PRDM12: variants seen among roughly 807,000 people sequenced by gnomAD.
PRDM12 encodes PR/SET domain 12.
PRDM12 carries 17 observed loss-of-function variants against 29.6 expected under a neutral mutation model. The ratio of observed to expected loss-of-function variants is 0.57; its 90% CI spans 0.39 to 0.86. PRDM12 has a LOEUF of 0.86. Among genes scored for constraint, PRDM12 ranks in the 40% least tolerant of loss-of-function variants. The pLI is 0.00. For synonymous variants in PRDM12, 231 were observed against 225.8 expected, an observed-to-expected ratio of 1.02 and a Z score of -0.21; for missense variants, 422 against 510.8, an observed-to-expected ratio of 0.83 and a Z score of 1.68.
Position 130,681,291 on chromosome 9 carries a change from C to G in PRDM12, c.726C>G (p.Arg242=). The G allele has an allele frequency of 6.6e-7, 1 of 1,507,406 alleles. No homozygotes were observed. The highest frequency in any genetic ancestry group is 8.9e-7 in the Non-Finnish European group (1 of 1,121,928). The allele number at this position is 1,507,406 out of a possible 1,614,324, so 93.4% of individuals were successfully genotyped here. The change falls in exon 5 of 5, where the codon CGC becomes CGG. Residue 242 remains arginine (R), a synonymous_variant. Coordinates refer to ENST00000253008, the MANE Select transcript of PRDM12 (RefSeq NM_021619.3). This position sits in a 1 kb window ranked among gnomAD's most constrained non-coding sequence, Gnocchi z 8.1. ...ACTCGGCGGCTGGCCCCGCGGGCCG[C>G]ATGCGATGCGTCATCTGCCACCGCG... ...PADSAAGPAG[R]MRCVICHRGF...
chr9:130,680,208 G>A (rs893962574), intron 4 of PRDM12, among the ~76,000 whole-genome samples: 5 of 152,054 alleles, frequency 3.3e-5, no homozygotes, highest in Admixed American at 2.0e-4. Flanking sequence ...GTGCTGGCAC[G>A]AGCCTGTGGT....
rs1253302764 is a variant in PRDM12 at position 130,681,258 on chromosome 9, C to T, written c.693C>T (p.His231=). 6.8e-7 allele frequency: 1 copy of T among 1,472,818 alleles called. No individual in the cohort carries two copies. The highest frequency in any genetic ancestry group is 9.0e-7 in the Non-Finnish European group (1 of 1,106,080). 91.2% of individuals were successfully genotyped at this position (1,472,818 alleles called of 1,614,324 possible). A position where few individuals can be genotyped will look rare whatever the true frequency, so the allele number is the denominator to read the frequency against. ...CCGCCCCGCGGCCAGAGGACTTCCA[C>T]CCGGCGGACTCGGCGGCTGGCCCCG... ...DQKKNKHEDF[H]PADSAAGPAG... Residue 231 remains histidine, a synonymous_variant, in exon 5 of 5, where the codon CAC becomes CAT. Transcript: ENST00000253008. The surrounding 1 kb of genome is among the most constrained non-coding windows in gnomAD (Gnocchi z 8.1).
intron 4 of PRDM12, among the ~76,000 whole-genome samples, chr9:130,680,634 A>AAAATATATATAT (rs1469778040): frequency 2.3e-5 from 2 of 88,496 alleles, no homozygotes; most frequent in African/African-American, 1.1e-4. Context: ...AAAAAAAAAA[A>AAAATATATATAT]ATATATATAT....
At chr9:130,667,520 C>T (rs1830744622) in intron 2 of PRDM12, among the ~76,000 whole-genome samples, 1 of 120,624 alleles carries the variant, frequency 8.3e-6, no homozygotes, top group African/African-American at 3.1e-5. Flanking sequence ...CTCGCCCGCT[C>T]CCCCACTCCA....
chr9:130,666,413 G>A (rs551462371), intron 1 of PRDM12, among the ~76,000 whole-genome samples, 195 bp from the exon 2 acceptor site: 2 of 152,352 alleles, frequency 1.3e-5, no homozygotes, highest in South Asian at 2.1e-4. Context: ...GGGTCTCCAG[G>A]TTGCAAACAG....
intron 3 of PRDM12, among the ~76,000 whole-genome samples, chr9:130,670,191 T>G (rs10901270): frequency 0.69 from 104,933 of 152,034 alleles, 36,929 homozygotes; most frequent in East Asian, 0.99. Flanking sequence ...CCCTTGGGGT[T>G]GGGCTAGGGC....
intron 2 of PRDM12, among the ~76,000 whole-genome samples, chr9:130,667,751 TC>T (rs1245382446): frequency 6.6e-6 from 1 of 151,706 alleles, no homozygotes; most frequent in African/African-American, 2.4e-5. Context: ...GACCCAGCCC[TC>T]CCTCCCTGGA....
Position 130,681,155 on chromosome 9 carries a change from T to TGAGGGCCCGGGCTGCGGGGCGCC in PRDM12, c.683-91_683-69dup. The stretch of plus-strand genomic sequence containing the variant: ...CGGACCGGCCCCGGGCTGGGGGCGC[T>TGAGGGCCCGGGCTGCGGGGCGCC]GAGGGCCCGGGCTGCGGGGCGCCGG... On this transcript the variant is annotated intron_variant, in intron 4 of 4. Transcript: ENST00000253008. This position sits in a 1 kb window ranked among gnomAD's most constrained non-coding sequence, Gnocchi z 8.1. The TGAGGGCCCGGGCTGCGGGGCGCC allele has an allele frequency of 7.9e-7, 1 of 1,263,388 alleles. No individual in the cohort carries two copies. Among genetic ancestry groups the TGAGGGCCCGGGCTGCGGGGCGCC allele is most frequent in the South Asian group, 2.0e-5 (1 of 50,672 alleles). The allele number at this position is 1,263,388 out of a possible 1,614,324, so 78.3% of individuals were successfully genotyped here.
Position 130,681,381 on chromosome 9 carries a change from G to C in PRDM12, c.816G>C (p.Val272=), listed in dbSNP as rs747940565. 6.3e-7 allele frequency: 1 copy of C among 1,593,208 alleles called. No individual in the cohort carries two copies. The highest frequency in any genetic ancestry group is 1.1e-5 in the South Asian group (1 of 88,830). ...MRIHTLDKPF[V]CRFCNRRFSQ... Reference sequence around the variant, plus strand: ...TCCACACGCTGGACAAGCCCTTCGTGTGCCGCTTCTGCAACCGCCGCTTCA... The same window carrying C: ...TCCACACGCTGGACAAGCCCTTCGTCTGCCGCTTCTGCAACCGCCGCTTCA... The change falls in exon 5 of 5, where the codon GTG becomes GTC. Residue 272 remains valine (V), a synonymous_variant. Transcript: ENST00000253008. This position sits in a 1 kb window ranked among gnomAD's most constrained non-coding sequence, Gnocchi z 8.1.
chr9:130,677,113 C>T (rs899515736), intron 3 of PRDM12, among the ~76,000 whole-genome samples: 1 of 152,168 alleles, frequency 6.6e-6, no homozygotes, highest in Non-Finnish European at 1.5e-5. Flanking sequence ...TTTGTAGAGA[C>T]AGGGTTTTGC....
intron 3 of PRDM12, among the ~76,000 whole-genome samples, chr9:130,673,728 A>G (rs1830809769): frequency 1.4e-5 from 2 of 141,128 alleles, no homozygotes; most frequent in South Asian, 4.4e-4. Flanking sequence ...CTGGAGTGCA[A>G]TGATGCCATC....
chr9:130,671,056 A>G (rs1344963831), intron 3 of PRDM12, among the ~76,000 whole-genome samples: 2 of 152,244 alleles, frequency 1.3e-5, no homozygotes, highest in Non-Finnish European at 2.9e-5. Flanking sequence ...TTGAAAAAAG[A>G]GGATCAGGCA....
rs1830894817 is a variant in PRDM12, at chr9:130,681,033, C to T, written c.683-215C>T. ...AGTCCCCGAGGTCTCGCATCGCGAT[C>T]GGGAGTCCAACTCCCTATTGGACCC... On this transcript the variant is annotated intron_variant, in intron 4 of 4. Coordinates refer to ENST00000253008, the MANE Select transcript of PRDM12 (RefSeq NM_021619.3). This position sits in a 1 kb window ranked among gnomAD's most constrained non-coding sequence, Gnocchi z 8.1. Among the ~76,000 whole-genome samples, 1 of 137,388 alleles carries T rather than the reference C, an allele frequency of 7.3e-6. No individual in the cohort carries two copies. Among genetic ancestry groups the T allele is most frequent in the Non-Finnish European group, 1.5e-5 (1 of 66,296 alleles). The allele number at this position is 137,388 out of a possible 152,430, so 90.1% of individuals were successfully genotyped here. A position where few individuals can be genotyped will look rare whatever the true frequency, so the allele number is the denominator to read the frequency against.
chr9:130,666,876 G>A (rs1490295107), intron 2 of PRDM12, 78 bp downstream of exon 2: 35 of 1,494,500 alleles, frequency 2.3e-5, no homozygotes, highest in Non-Finnish European at 3.0e-5. Flanking sequence ...GCGTCCGGCC[G>A]TCGCCGCTTC....
chr9:130,680,659 A>ATTTTTTTTTTTT (rs767033169), intron 4 of PRDM12, among the ~76,000 whole-genome samples: 6 of 72,166 alleles, frequency 8.3e-5, no homozygotes, highest in African/African-American at 4.7e-4. Flanking sequence ...ATATATATAT[A>ATTTTTTTTTTTT]TTTTTTTTTT....
chr9:130,675,364 TG>T (rs906276481), intron 3 of PRDM12, among the ~76,000 whole-genome samples: 6 of 152,076 alleles, frequency 3.9e-5, no homozygotes, highest in Non-Finnish European at 5.9e-5. Flanking sequence ...CTGGGGGAGA[TG>T]GGGCTGGGAA....
At chr9:130,670,418 C>T (rs976324312) in intron 3 of PRDM12, among the ~76,000 whole-genome samples, 2 of 152,068 alleles carry the variant, frequency 1.3e-5, no homozygotes, top group African/African-American at 4.8e-5. Flanking sequence ...TAGCCTGGGT[C>T]CCAGCTGAGG....
chr9:130,674,478 T>A lies in PRDM12; in HGVS notation c.571-4051T>A, dbSNP rs1830817435. On this transcript the variant is annotated intron_variant, in intron 3 of 4. Transcript: ENST00000253008. ...GGCTCTTCTTAACTGATTTTCTTGC[T>A]TTTAAAAGATAATTTGTGTGTGTGT... 2.8e-5 allele frequency among the ~76,000 whole-genome samples: 4 copies of A among 144,874 alleles called. No individual in the cohort carries two copies. The South Asian group carries it at 9.0e-4, about 32-fold the overall frequency.
intron 4 of PRDM12, among the ~76,000 whole-genome samples, chr9:130,680,659 A>ATTTATTTTTTTTTTTTTT (rs1830890981): frequency 1.4e-5 from 1 of 72,200 alleles, no homozygotes; most frequent in African/African-American, 7.8e-5. Context: ...ATATATATAT[A>ATTTATTTTTTTTTTTTTT]TTTTTTTTTT....
Sources: gnomAD v4.1 joint callset for allele counts (sites outside exome capture counted in the v4.1 genomes callset) on GRCh38, gnomAD v4.1.1 for gene constraint, Gnocchi (gnomAD v3.1) non-coding constraint, MANE v1.5 for transcripts, NCBI Gene and HGNC (gene_info 2026-07-23, HGNC 2026-07-21) for gene names.